MCM8: variants seen among roughly 807,000 people sequenced by gnomAD.
The protein encoded by MCM8 is DNA helicase MCM8.
MCM8 carries 85 observed loss-of-function variants against 98.9 expected under a neutral mutation model. The ratio of observed to expected loss-of-function variants is 0.86; its 90% CI spans 0.72 to 1.03. MCM8 has a LOEUF of 1.03. Among genes scored for constraint, MCM8 ranks in the 50% least tolerant of loss-of-function variants. MCM8 has a pLI of 0.00. For synonymous variants in MCM8, 352 were observed against 338.6 expected (o/e 1.04, Z -0.44); for missense variants, 951 against 997.8 (o/e 0.95, Z 0.63).
intron 11 of MCM8, among the ~76,000 whole-genome samples, chr20:5,972,341 A>T (rs1486272145): frequency 6.6e-6 from 1 of 151,634 alleles, no homozygotes; most frequent in Admixed American, 6.6e-5. Context: ...GAGTAGCTGG[A>T]ACTACAGGCA....
At chr20:5,975,542 G>T (rs963113664) in intron 12 of MCM8, among the ~76,000 whole-genome samples, 1 of 148,912 alleles carries the variant, frequency 6.7e-6, no homozygotes, top group Non-Finnish European at 1.5e-5. Context: ...TGCCGCCCAG[G>T]CTGGAGTGCA....
intron 12 of MCM8, 140 bp downstream of exon 12, chr20:5,973,336 A>T: frequency 1.9e-6 from 2 of 1,034,046 alleles, no homozygotes; most frequent in East Asian, 5.1e-5. Flanking sequence ...AATTTGTGTG[A>T]GTAATATGTA....
In MCM8 at chr20:5,978,029, A is replaced by G; in HGVS notation, c.1537+12A>G. On this transcript the variant is annotated intron_variant, in intron 13 of 18. Transcript: ENST00000610722. The stretch of plus-strand genomic sequence containing the variant: ...ACTTGGTGATCAAGGTGAGAGGCCA[A>G]AGGGAATAATTAGTGATTCTGGGAC... 3 of 1,613,972 alleles carry G rather than the reference A, an allele frequency of 1.9e-6. No homozygotes were observed. Among genetic ancestry groups the G allele is most frequent in the Non-Finnish European group, 2.5e-6 (3 of 1,179,942 alleles).
intron 10 of MCM8, 127 bp from the exon 11 acceptor site, chr20:5,971,880 G>T (rs2089410521): frequency 8.8e-6 from 6 of 684,910 alleles, no homozygotes; most frequent in South Asian, 2.1e-5. Flanking sequence ...AATTTCAGTT[G>T]AGGGGATGTA....
rs190826765 is a variant in MCM8, at chr20:5,963,811, C to T, written c.875+452C>T. Among the ~76,000 whole-genome samples the T allele has an allele frequency of 4.1e-3, 625 of 152,322 alleles. 6 individuals are homozygous for T. Among genetic ancestry groups the T allele is most frequent in the African/African-American group, 0.014 (593 of 41,576 alleles). ...TCAGCCTCCCAAAGTGCTGGGATTA[C>T]AGGCGTGAGCCACCGCTCCTAGCCT... On this transcript the variant is annotated intron_variant, in intron 8 of 18. Coordinates refer to ENST00000610722, the MANE Select transcript of MCM8 (RefSeq NM_032485.6).
intron 10 of MCM8, 96 bp downstream of exon 10, chr20:5,968,121 A>G (rs192295535): frequency 1.5e-5 from 14 of 956,026 alleles, no homozygotes; most frequent in African/African-American, 3.3e-5. Context: ...TGGTCGGCAA[A>G]CTACAGTCCA....
intron 8 of MCM8, 50 bp downstream of exon 8, chr20:5,963,409 T>C (rs1199047719): frequency 7.3e-7 from 1 of 1,376,918 alleles, no homozygotes; most frequent in East Asian, 2.3e-5. Flanking sequence ...TGTCACACTG[T>C]TGAGAAAATC....
intron 17 of MCM8, 48 bp downstream of exon 17, chr20:5,987,406 C>T (rs751097682): frequency 1.3e-6 from 2 of 1,497,576 alleles, no homozygotes. Context: ...CAGTTATCTT[C>T]CCATCTCAAA....
chr20:5,977,904 T>C lies in MCM8; in HGVS notation c.1424T>C (p.Val475Ala). The change falls in exon 13 of 19, where the codon GTG (valine) becomes GCG (alanine). Residue 475 changes from valine to alanine, a missense_variant. Coordinates refer to ENST00000610722, the MANE Select transcript of MCM8 (RefSeq NM_032485.6). ...GCGTGCAATGTTGCCCCACGTGGCGTGTATGTTTGTGGTAACACCACGACC... is the reference window on the plus strand; with the variant it reads ...GCGTGCAATGTTGCCCCACGTGGCGCGTATGTTTGTGGTAACACCACGACC... ...QAACNVAPRG[V>A]YVCGNTTTTS... 6.2e-7 allele frequency: 1 copy of C among 1,614,222 alleles called. No individual in the cohort carries two copies. Among genetic ancestry groups the C allele is most frequent in the South Asian group, 1.1e-5 (1 of 91,084 alleles).
chr20:5,967,811 T>G lies in MCM8; in HGVS notation c.1028-19T>G, dbSNP rs775647978. On this transcript the variant is annotated intron_variant, in intron 9 of 18. Coordinates refer to ENST00000610722, the MANE Select transcript of MCM8 (RefSeq NM_032485.6). ...AAATGAAAATACCAACTATTGTATT[T>G]AACACTTTTAATTTACAGGTTCTCG... The G allele has an allele frequency of 6.3e-7, 1 of 1,583,982 alleles. No homozygotes were observed. The highest frequency in any genetic ancestry group is 1.1e-5 in the South Asian group (1 of 87,766).
chr20:5,994,478 G>GACACAC lies in MCM8; in HGVS notation c.*127_*132dup, dbSNP rs11472210. 0.022 allele frequency: 8,485 copies of GACACAC among 383,250 alleles called. 79 individuals are homozygous for GACACAC. The highest frequency in any genetic ancestry group is 0.038 in the African/African-American group (1,636 of 43,164). 23.7% of individuals were successfully genotyped at this position (383,250 alleles called of 1,614,324 possible). On this transcript the variant is annotated 3_prime_UTR_variant, in exon 19 of 19. Transcript: ENST00000610722. ...ATATGCGTGCACGCACAGACAGACA[G>GACACAC]ACACACACACACACACACACACACA...
rs567001662 is a variant in MCM8 at position 5,975,655 on chromosome 20, C to T, written c.1396-2221C>T. ...GGGACTACAGGCGCCCACCACCACGCCCGGCTAATTTTTTGTATTTTTAGT... is the reference window on the plus strand; with the variant it reads ...GGGACTACAGGCGCCCACCACCACGTCCGGCTAATTTTTTGTATTTTTAGT... On this transcript the variant is annotated intron_variant, in intron 12 of 18. Transcript: ENST00000610722. 1.6e-4 allele frequency among the ~76,000 whole-genome samples: 24 copies of T among 152,046 alleles called. No homozygotes were observed. In the South Asian group the frequency reaches 5.0e-3, roughly 32 times the overall value.
chr20:5,993,914 G>A, intron 18 of MCM8: 1 of 422,822 alleles, frequency 2.4e-6, no homozygotes, highest in South Asian at 5.2e-5. Context: ...TTTTAACGTT[G>A]CATCCCTCAT....
At chr20:5,971,185 C>T (rs2089394097) in intron 10 of MCM8, among the ~76,000 whole-genome samples, 1 of 152,150 alleles carries the variant, frequency 6.6e-6, no homozygotes. Context: ...AAGATTTAAC[C>T]TGAAAGACTG....
rs143982162 is a variant in MCM8, at chr20:5,989,760, A to AT, written c.2240+2403dup. Among the ~76,000 whole-genome samples the AT allele has an allele frequency of 7.0e-3, 1,064 of 152,260 alleles. 19 individuals carry two copies. Among genetic ancestry groups the AT allele is most frequent in the African/African-American group, 0.024 (1,006 of 41,546 alleles). Reference sequence around the variant, plus strand: ...TATGCAGATGGGTAGAAGGGCACCCATGTCACCTCCTGAAGGTACAAGAAT... The same window carrying AT: ...TATGCAGATGGGTAGAAGGGCACCCATTGTCACCTCCTGAAGGTACAAGAAT... On this transcript the variant is annotated intron_variant, in intron 17 of 18. Transcript: ENST00000610722.
Position 5,993,491 on chromosome 20 carries a change from TC to T in MCM8, c.2241-13del. On this transcript the variant is annotated splice_polypyrimidine_tract_variant and intron_variant, in intron 17 of 18. Transcript: ENST00000610722. ...AGTGCTACATTGGGTAATTTTTTCT[TC>T]CTTTCTTTTTAAGCATGCTAGGAAC... 3 of 1,505,154 alleles carry T rather than the reference TC, an allele frequency of 2.0e-6. No individual in the cohort carries two copies. Among genetic ancestry groups the T allele is most frequent in the Non-Finnish European group, 2.7e-6 (3 of 1,117,332 alleles). The allele number at this position is 1,505,154 out of a possible 1,614,324, so 93.2% of individuals were successfully genotyped here. A position where few individuals can be genotyped will look rare whatever the true frequency, so the allele number is the denominator to read the frequency against.
At chr20:5,960,214 C>A (rs1037214369) in intron 7 of MCM8, among the ~76,000 whole-genome samples, 1 of 152,050 alleles carries the variant, frequency 6.6e-6, no homozygotes, top group African/African-American at 2.4e-5. Flanking sequence ...TCTTTACTGG[C>A]CATTCAGTTT....
Position 5,983,091 on chromosome 20 carries a change from A to G in MCM8, c.1659A>G (p.Arg553=), listed in dbSNP as rs571998244. 98 of 1,614,196 alleles carry G rather than the reference A, an allele frequency of 6.1e-5. 3 individuals carry two copies. The Middle Eastern group carries it at 1.6e-3, about 27-fold the overall frequency. The change falls in exon 14 of 19, where the codon AGA becomes AGG. Residue 553 remains arginine (R), a synonymous_variant. Coordinates refer to ENST00000610722, the MANE Select transcript of MCM8 (RefSeq NM_032485.6). ...GTGTGGTTTGTAGCCTTCCTGCAAG[A>G]ACTTCCATTATTGCTGCTGCAAATC... ...KAGVVCSLPA[R]TSIIAAANPV...
intron 5 of MCM8, among the ~76,000 whole-genome samples, chr20:5,956,539 A>G (rs567510418): frequency 8.2e-4 from 125 of 152,166 alleles, no homozygotes; most frequent in Non-Finnish European, 1.8e-4. Flanking sequence ...GATTATAGGC[A>G]TGCACTGCCA....
Sources: allele counts gnomAD v4.1 joint callset (sites outside exome capture counted in the v4.1 genomes callset), GRCh38; gene constraint gnomAD v4.1.1; transcripts MANE v1.5; gene names NCBI Gene and HGNC (gene_info 2026-07-23, HGNC 2026-07-21).